Variants in CCSER1 observed in about 807,000 individuals in gnomAD.
The protein encoded by CCSER1 is coiled-coil serine rich protein 1, also known as serine-rich coiled-coil domain-containing protein 1.
In CCSER1, 41 loss-of-function variants were observed where a neutral mutation model predicts 82.0. That is an observed-to-expected ratio of 0.50 (90% confidence interval 0.39 to 0.65). CCSER1 has a LOEUF of 0.65. CCSER1 is among the 30% of genes least tolerant of loss of function. The probability of loss-of-function intolerance (pLI) is 0.00; values close to 1 mark genes in which losing one functional copy is unlikely to be tolerated. For synonymous variants in CCSER1, 414 were observed against 383.9 expected, an observed-to-expected ratio of 1.08 and a Z score of -0.92; for missense variants, 1,119 against 1,064.2, an observed-to-expected ratio of 1.05 and a Z score of -0.72.
chr4:90,745,713 G>C (rs1479737568), intron 7 of CCSER1, among the ~76,000 whole-genome samples: 3 of 110,702 alleles, frequency 2.7e-5, no homozygotes, highest in Middle Eastern at 8.5e-3. Context: ...TTTTTGAGAC[G>C]GAGTCTTGCT....
At chr4:90,434,047 C>G (rs966947533) in intron 4 of CCSER1, among the ~76,000 whole-genome samples, 2 of 151,832 alleles carry the variant, frequency 1.3e-5, no homozygotes, top group Non-Finnish European at 2.9e-5. Context: ...ACAACTTTTT[C>G]CCCACAATTA....
intron 8 of CCSER1, among the ~76,000 whole-genome samples, chr4:90,913,675 C>T (rs2150203466): frequency 6.6e-6 from 1 of 152,178 alleles, no homozygotes; most frequent in Middle Eastern, 3.4e-3. Flanking sequence ...CTAAATGCTC[C>T]AACTGAAAGA....
intron 1 of CCSER1, among the ~76,000 whole-genome samples, chr4:90,303,381 C>T (rs1579064257): frequency 6.6e-6 from 1 of 152,172 alleles, no homozygotes; most frequent in East Asian, 1.9e-4. Context: ...GGAGGCATCA[C>T]ACTACCTGAC....
At chr4:91,040,176 T>TTAA (rs1741838937) in intron 9 of CCSER1, among the ~76,000 whole-genome samples, 2 of 152,186 alleles carry the variant, frequency 1.3e-5, no homozygotes, top group Non-Finnish European at 2.9e-5. Context: ...ATGCTGTGTC[T>TTAA]GAGAATATCT....
chr4:90,672,826 AT>A (rs1733059649), intron 6 of CCSER1, among the ~76,000 whole-genome samples: 1 of 151,976 alleles, frequency 6.6e-6, no homozygotes, highest in Admixed American at 6.6e-5. Context: ...GTTTCAGGAA[AT>A]AGGGAGATCC....
At chr4:90,611,054 CTTTTCTTTTTTTT>C (rs1460161330) in intron 5 of CCSER1, among the ~76,000 whole-genome samples, 1 of 75,060 alleles carries the variant, frequency 1.3e-5, no homozygotes, top group Non-Finnish European at 2.4e-5. Context: ...ATTTTCTTTT[CTTTTCTTTTTTTT>C]TTTTTTTTTT....
At chr4:90,989,154 C>T (rs1187215076) in intron 9 of CCSER1, among the ~76,000 whole-genome samples, 1 of 151,778 alleles carries the variant, frequency 6.6e-6, no homozygotes, top group Non-Finnish European at 1.5e-5. Context: ...ACCACCTTTA[C>T]AGCCAAGAGA....
chr4:90,532,319 A>G (rs569510215), intron 5 of CCSER1, among the ~76,000 whole-genome samples: 9 of 152,234 alleles, frequency 5.9e-5, no homozygotes, highest in Admixed American at 5.2e-4. Context: ...ACATGGACCT[A>G]GCAAAACTGG....
intron 1 of CCSER1, among the ~76,000 whole-genome samples, chr4:90,287,202 TA>T (rs148439603): frequency 0.049 from 7,337 of 150,896 alleles, 473 homozygotes; most frequent in African/African-American, 0.15. Context: ...CATTAATAAT[TA>T]AAAAAAAACC....
At chr4:90,213,448 G>T (rs1740407874) in intron 1 of CCSER1, among the ~76,000 whole-genome samples, 1 of 152,080 alleles carries the variant, frequency 6.6e-6, no homozygotes, top group African/African-American at 2.4e-5. Flanking sequence ...GATTTCACAG[G>T]CTAGATCTGG....
At chr4:91,090,360 G>A (rs1723821202) in intron 10 of CCSER1, among the ~76,000 whole-genome samples, 1 of 152,094 alleles carries the variant, frequency 6.6e-6, no homozygotes, top group South Asian at 2.1e-4. Flanking sequence ...CAGTCCTGGC[G>A]GAATTCTGGG....
At chr4:90,671,949 C>T (rs1031646453) in intron 6 of CCSER1, among the ~76,000 whole-genome samples, 5 of 151,864 alleles carry the variant, frequency 3.3e-5, no homozygotes, top group Non-Finnish European at 7.4e-5. Flanking sequence ...TTGTTCAACA[C>T]GTAGTAATAT....
intron 10 of CCSER1, among the ~76,000 whole-genome samples, chr4:91,406,665 T>G (rs1003649950): frequency 1.3e-5 from 2 of 152,240 alleles, no homozygotes; most frequent in Non-Finnish European, 2.9e-5. Flanking sequence ...TTCATGATTT[T>G]TCCTGGTACA....
chr4:91,169,170 C>G (rs570587449), intron 10 of CCSER1, among the ~76,000 whole-genome samples: 1 of 137,054 alleles, frequency 7.3e-6, no homozygotes, highest in Non-Finnish European at 1.6e-5. Context: ...TCCCCCTCTC[C>G]GAGAAACACC....
At chr4:90,769,787 T>C (rs1018013968) in intron 7 of CCSER1, among the ~76,000 whole-genome samples, 2 of 152,176 alleles carry the variant, frequency 1.3e-5, no homozygotes, top group Admixed American at 6.5e-5. Context: ...TACAGTAGTA[T>C]CAAACTTTTG....
chr4:90,714,520 C>A (rs537042864), intron 6 of CCSER1, among the ~76,000 whole-genome samples: 1 of 152,016 alleles, frequency 6.6e-6, no homozygotes, highest in Admixed American at 6.6e-5. Flanking sequence ...CATAAAGAGG[C>A]CTTGCCACAA....
intron 9 of CCSER1, among the ~76,000 whole-genome samples, chr4:91,080,628 G>C (rs897437239): frequency 4.6e-5 from 7 of 152,232 alleles, no homozygotes; most frequent in African/African-American, 1.7e-4. Context: ...GAATCCTGGA[G>C]CTGGTTTTCT....
At chr4:90,650,535 G>GA (rs905238351) in intron 6 of CCSER1, among the ~76,000 whole-genome samples, 11 of 152,086 alleles carry the variant, frequency 7.2e-5, no homozygotes, top group African/African-American at 2.7e-4. Flanking sequence ...AAAAGAAAGG[G>GA]AGATAATCAG....
chr4:91,345,290 G>A (rs1182119382), intron 10 of CCSER1, among the ~76,000 whole-genome samples: 2 of 152,116 alleles, frequency 1.3e-5, no homozygotes, highest in Admixed American at 6.5e-5. Flanking sequence ...AGGAGGCTGA[G>A]GCAGGAGAAT....
Sources: gnomAD v4.1 joint callset for allele counts (sites outside exome capture counted in the v4.1 genomes callset) on GRCh38, gnomAD v4.1.1 for gene constraint, MANE v1.5 for transcripts, NCBI Gene and HGNC (gene_info 2026-07-23, HGNC 2026-07-21) for gene names.